AGBL1: variants seen among roughly 807,000 people sequenced by gnomAD.
AGBL1 encodes AGBL carboxypeptidase 1.
In AGBL1, 130 loss-of-function variants were observed where a neutral mutation model predicts 118.9. The observed-to-expected ratio is 1.09, with a 90% CI of 0.95 to 1.26. AGBL1 has a LOEUF of 1.26. AGBL1 is among the 50% of genes most tolerant of loss of function. The pLI, the probability that AGBL1 is intolerant of heterozygous loss-of-function variation, is 0.00. For missense variants in AGBL1, 1,584 were observed against 1,298.1 expected (o/e 1.22, Z -3.38); for synonymous variants, 555 against 478.9 (o/e 1.16, Z -2.08).
chr15:86,680,781 G>T (rs572350711), intron 22 of AGBL1, among the ~76,000 whole-genome samples: 1 of 151,512 alleles, frequency 6.6e-6, no homozygotes, highest in Non-Finnish European at 1.5e-5. Flanking sequence ...TGGCCAGGTT[G>T]GTTTTGAACT....
At chr15:86,754,644 A>C (rs1250539544) in intron 22 of AGBL1, among the ~76,000 whole-genome samples, 1 of 152,000 alleles carries the variant, frequency 6.6e-6, no homozygotes, top group Non-Finnish European at 1.5e-5. Context: ...TCGTGTCCTG[A>C]AAGCATCAGC....
At chr15:86,086,832 C>T (rs1448944494) in intron 1 of AGBL1, among the ~76,000 whole-genome samples, 1 of 152,136 alleles carries the variant, frequency 6.6e-6, no homozygotes, top group Non-Finnish European at 1.5e-5. Flanking sequence ...AATAGCATGC[C>T]ATTGTGTGAA....
At chr15:86,655,801 G>A (rs949047769) in intron 21 of AGBL1, among the ~76,000 whole-genome samples, 3 of 152,174 alleles carry the variant, frequency 2.0e-5, no homozygotes, top group Non-Finnish European at 4.4e-5. Flanking sequence ...GAAATACCTG[G>A]GAGAGGTGGA....
At chr15:86,764,530 A>C (rs1042165845) in intron 22 of AGBL1, among the ~76,000 whole-genome samples, 5 of 152,190 alleles carry the variant, frequency 3.3e-5, no homozygotes, top group South Asian at 2.1e-4. Flanking sequence ...TTATATCTAT[A>C]AGATGGGCAC....
chr15:86,842,312 G>C (rs140502318), intron 22 of AGBL1, among the ~76,000 whole-genome samples: 90 of 151,952 alleles, frequency 5.9e-4, no homozygotes, highest in African/African-American at 2.1e-3. Flanking sequence ...AGGAATCACT[G>C]AAAACCTTTA....
At chr15:86,210,035 A>G (rs1037598431) in intron 5 of AGBL1, among the ~76,000 whole-genome samples, 2 of 152,056 alleles carry the variant, frequency 1.3e-5, no homozygotes, top group Non-Finnish European at 2.9e-5. Context: ...CTCAGCATTT[A>G]CTTGTCTGTA....
At chr15:86,081,105 G>A (rs1172260572) in intron 1 of AGBL1, among the ~76,000 whole-genome samples, 1 of 152,170 alleles carries the variant, frequency 6.6e-6, no homozygotes, top group Non-Finnish European at 1.5e-5. Flanking sequence ...GTGCAATGGT[G>A]TGATCTCGAC....
chr15:86,556,358 A>T, intron 21 of AGBL1: 1 of 1,331,020 alleles, frequency 7.5e-7, no homozygotes, highest in Admixed American at 1.8e-5. Flanking sequence ...GGAATAATGG[A>T]GGGAGAACTG....
At chr15:86,129,954 T>C (rs983042333) in intron 1 of AGBL1, among the ~76,000 whole-genome samples, 1 of 152,096 alleles carries the variant, frequency 6.6e-6, no homozygotes, top group Non-Finnish European at 1.5e-5. Flanking sequence ...CTGGCTAACA[T>C]ATGTGAATTG....
At chr15:86,173,802 A>G (rs766750877) in intron 5 of AGBL1, among the ~76,000 whole-genome samples, 2 of 151,990 alleles carry the variant, frequency 1.3e-5, no homozygotes, top group Non-Finnish European at 2.9e-5. Flanking sequence ...GCTGGTCTGT[A>G]TGTCTGTTTC....
chr15:86,114,968 C>G lies in AGBL1; in HGVS notation c.52-27036C>G, dbSNP rs367981937. On this transcript the variant is annotated intron_variant, in intron 1 of 22. Transcript: ENST00000614907. ...TCTTTATTGAACTTCATGATAGGCTCTCATGTGAAAAGGGCTGAAAAAATT... is the reference window on the plus strand; with the variant it reads ...TCTTTATTGAACTTCATGATAGGCTGTCATGTGAAAAGGGCTGAAAAAATT... Among the ~76,000 whole-genome samples the G allele has an allele frequency of 1.4e-3, 219 of 152,244 alleles. 4 individuals are homozygous for G. In the South Asian group the frequency reaches 0.042, roughly 29 times the overall value.
Position 86,707,457 on chromosome 15 carries a change from G to C in AGBL1, c.3158+33021G>C, listed in dbSNP as rs12439205. On this transcript the variant is annotated intron_variant, in intron 22 of 22. Transcript: ENST00000614907. ...TGTTTTTGTTTTTCCCAGCTCTGTA[G>C]AGAGAGAGCATTAAATAAAACATAC... Among the ~76,000 whole-genome samples the C allele has an allele frequency of 4.5e-3, 679 of 151,988 alleles. 4 individuals are homozygous for C. The highest frequency in any genetic ancestry group is 0.014 in the Middle Eastern group (4 of 294).
rs189269265 is a variant in AGBL1, at chr15:86,567,921, G to C, written c.2994+13384G>C. Among the ~76,000 whole-genome samples the C allele has an allele frequency of 3.1e-3, 468 of 152,208 alleles. 3 individuals are homozygous for C. Among genetic ancestry groups the C allele is most frequent in the African/African-American group, 0.011 (452 of 41,530 alleles). ...ACCAGTTACTGAGAGACTGAGGCAG[G>C]ATAGTCAGACCAGATGTAAAAGGTG... On this transcript the variant is annotated intron_variant, in intron 21 of 22. Coordinates refer to ENST00000614907, the MANE Select transcript of AGBL1 (RefSeq NM_001386094.1).
chr15:86,466,358 T>C (rs2082406709), intron 18 of AGBL1, among the ~76,000 whole-genome samples: 1 of 152,252 alleles, frequency 6.6e-6, no homozygotes, highest in Admixed American at 6.5e-5. Flanking sequence ...ATTTATGTTC[T>C]TCTCCAAACT....
intron 17 of AGBL1, among the ~76,000 whole-genome samples, chr15:86,337,186 T>C (rs537773359): frequency 1.3e-5 from 2 of 152,360 alleles, no homozygotes; most frequent in African/African-American, 4.8e-5. Flanking sequence ...AGTACACTTT[T>C]TGTAAACTGA....
At chr15:86,434,313 T>C (rs1295838379) in intron 18 of AGBL1, among the ~76,000 whole-genome samples, 3 of 152,242 alleles carry the variant, frequency 2.0e-5, no homozygotes, top group African/African-American at 7.2e-5. Context: ...TCCACTTGCT[T>C]TACACTGAAT....
At chr15:86,571,726 C>T (rs556512965) in intron 21 of AGBL1, among the ~76,000 whole-genome samples, 144 of 152,254 alleles carry the variant, frequency 9.5e-4, no homozygotes, top group African/African-American at 3.2e-3. Context: ...GGGGAGGAAG[C>T]GGGTGCTGAT....
intron 24 of AGBL1, among the ~76,000 whole-genome samples, chr15:87,003,254 G>C (rs572812453): frequency 3.3e-5 from 5 of 152,120 alleles, no homozygotes; most frequent in South Asian, 4.2e-4. Context: ...TTTTGTCTTT[G>C]GTTCTGTTTA....
At chr15:86,892,863 A>G (rs981831919) in intron 22 of AGBL1, among the ~76,000 whole-genome samples, 1 of 152,202 alleles carries the variant, frequency 6.6e-6, no homozygotes, top group Admixed American at 6.5e-5. Flanking sequence ...CTAGGGAACC[A>G]TGCTAACTGT....
Sources: gnomAD v4.1 joint callset for allele counts (sites outside exome capture counted in the v4.1 genomes callset) on GRCh38, gnomAD v4.1.1 for gene constraint, MANE v1.5 for transcripts, NCBI Gene and HGNC (gene_info 2026-07-23, HGNC 2026-07-21) for gene names.